Variants in MPRIP observed in about 807,000 individuals in gnomAD.
MPRIP encodes the protein myosin phosphatase Rho-interacting protein.
A neutral mutation model predicts 234.9 loss-of-function variants in MPRIP; 59 were observed. That is an observed-to-expected ratio of 0.25 (90% CI 0.20 to 0.31). The LOEUF (loss-of-function observed/expected upper bound fraction) is 0.31. Ranked by LOEUF, MPRIP falls within the 10% of genes least tolerant of loss-of-function variation. The pLI is 1.00. For synonymous variants in MPRIP, 1,144 were observed against 1,263.9 expected (o/e 0.91, Z 2.01); for missense variants, 2,436 against 3,071.0 (o/e 0.79, Z 4.89).
intron 3 of MPRIP, among the ~76,000 whole-genome samples, chr17:17,095,530 TG>T (rs2089819169): frequency 6.6e-6 from 1 of 152,196 alleles, no homozygotes. Context: ...GGAAGACCTG[TG>T]GGCAGCAGAA....
rs189049669 is a variant in MPRIP at position 17,165,440 on chromosome 17, C to A, written c.3849C>A (p.Pro1283=). The part of the protein sequence containing the change: ...PPGEEYGDGS[P]SREDSMVPPK... ...GGGAAGAGTACGGTGATGGCAGCCC[C>A]AGTAGGGAAGACAGCATGGTGCCCC... is the stretch of plus-strand genomic sequence containing the variant. Residue 1283 remains proline (P), a synonymous_variant, in exon 16 of 24, where the codon CCC becomes CCA. Coordinates refer to ENST00000651222, the MANE Select transcript of MPRIP (RefSeq NM_001364716.4). The A allele has an allele frequency of 2.5e-4, 331 of 1,304,210 alleles. 1 individual carries two copies. The African/African-American group carries it at 4.8e-3, about 19-fold the overall frequency. The allele number at this position is 1,304,210 out of a possible 1,614,324, so 80.8% of individuals were successfully genotyped here. A position where few individuals can be genotyped will look rare whatever the true frequency, so the allele number is the denominator to read the frequency against.
intron 17 of MPRIP, 82 bp from the exon 18 acceptor site, chr17:17,172,616 A>G (rs908057013): frequency 3.4e-5 from 36 of 1,049,360 alleles, no homozygotes; most frequent in Non-Finnish European, 4.9e-5. Flanking sequence ...GCGCCATCCC[A>G]TTGTGTGGAG....
At chr17:17,096,248 G>A (rs1167718451) in intron 3 of MPRIP, among the ~76,000 whole-genome samples, 1 of 143,016 alleles carries the variant, frequency 7.0e-6, no homozygotes, top group African/African-American at 2.7e-5. Context: ...GTCTGGGCCT[G>A]TGTAGCTCTT....
chr17:17,074,289 A>G (rs967861148), intron 1 of MPRIP, among the ~76,000 whole-genome samples: 3 of 152,220 alleles, frequency 2.0e-5, no homozygotes, highest in African/African-American at 7.2e-5. Context: ...TTTCCAATGC[A>G]TTCTCGCCAG....
chr17:17,155,201 T>C (rs1164239422), intron 13 of MPRIP, among the ~76,000 whole-genome samples: 1 of 151,902 alleles, frequency 6.6e-6, no homozygotes, highest in African/African-American at 2.4e-5. Flanking sequence ...GCTGCTTGGG[T>C]GTGGCAATGT....
chr17:17,113,667 T>C (rs4488507), intron 3 of MPRIP, among the ~76,000 whole-genome samples: 10,173 of 152,182 alleles, frequency 0.067, 405 homozygotes, highest in African/African-American at 0.1. Flanking sequence ...TACCTACAAG[T>C]GGAATTGCTG....
intron 11 of MPRIP, among the ~76,000 whole-genome samples, chr17:17,148,427 C>G (rs899454730): frequency 6.6e-6 from 1 of 152,218 alleles, no homozygotes; most frequent in African/African-American, 2.4e-5. Flanking sequence ...GGTAAAGCCA[C>G]TAGCACTTGG....
intron 16 of MPRIP, 134 bp downstream of exon 16, chr17:17,168,049 G>A (rs1238989162): frequency 4.0e-6 from 3 of 743,900 alleles, no homozygotes; most frequent in Non-Finnish European, 5.7e-6. Flanking sequence ...TAGCCATGGT[G>A]TGGTCTCAGC....
chr17:17,054,159 T>A (rs559012157), intron 1 of MPRIP, among the ~76,000 whole-genome samples: 89 of 152,266 alleles, frequency 5.8e-4, no homozygotes, highest in African/African-American at 2.1e-3. Flanking sequence ...ACAAGTAAGA[T>A]CATTATCTAT....
At chr17:17,079,427 G>A (rs1479275912) in intron 3 of MPRIP, among the ~76,000 whole-genome samples, 2 of 152,220 alleles carry the variant, frequency 1.3e-5, no homozygotes, top group African/African-American at 4.8e-5. Flanking sequence ...AAAGCATTTG[G>A]ACACTCCGTT....
At chr17:17,090,496 C>T (rs141926602) in intron 3 of MPRIP, among the ~76,000 whole-genome samples, 1 of 152,166 alleles carries the variant, frequency 6.6e-6, no homozygotes, top group East Asian at 1.9e-4. Flanking sequence ...TTTGTGATGC[C>T]CAGGGCCCAG....
chr17:17,057,687 C>T (rs754882461), intron 1 of MPRIP: 35 of 717,892 alleles, frequency 4.9e-5, no homozygotes, highest in Admixed American at 3.8e-4. Context: ...ATATGATGCA[C>T]GAATGTTCTC....
chr17:17,158,664 G>A lies in MPRIP; in HGVS notation c.2062G>A (p.Glu688Lys), dbSNP rs1388670259. The A allele has an allele frequency of 4.4e-6, 7 of 1,604,766 alleles. No individual in the cohort carries two copies. In the East Asian group the frequency reaches 6.7e-5, roughly 15 times the overall value. The change falls in exon 14 of 24, where the codon GAG becomes AAG. Residue 688 changes from glutamate (E) to lysine (K), a missense_variant. By Grantham distance (56) the Glu-to-Lys change is moderately conservative. Transcript: ENST00000651222. ...CGGCGTGGGGCCTGCTGACACCCAC[G>A]AGCCCCTGCGCCCTGAGGCGGAGCC... ...VGGVGPADTH[E>K]PLRPEAEPGE... is the part of the protein sequence containing the mutation.
At chr17:17,114,798 C>T (rs1290337043) in intron 3 of MPRIP, among the ~76,000 whole-genome samples, 1 of 152,094 alleles carries the variant, frequency 6.6e-6, no homozygotes, top group African/African-American at 2.4e-5. Flanking sequence ...GGCCCTTGGC[C>T]ATTTGGCGGG....
chr17:17,063,079 G>A (rs577300416), intron 1 of MPRIP, among the ~76,000 whole-genome samples: 1 of 152,342 alleles, frequency 6.6e-6, no homozygotes, highest in African/African-American at 2.4e-5. Context: ...AGTGCTGATC[G>A]TCCCTCACTC....
At chr17:17,081,971 C>T (rs1004689542) in intron 3 of MPRIP, among the ~76,000 whole-genome samples, 3 of 152,142 alleles carry the variant, frequency 2.0e-5, no homozygotes, top group Non-Finnish European at 4.4e-5. Context: ...TGGCTGGGCC[C>T]CTGGTTTTTC....
chr17:17,163,978 A>T (rs2045926723), intron 15 of MPRIP, 131 bp from the exon 16 acceptor site: 2 of 509,140 alleles, frequency 3.9e-6, no homozygotes, highest in South Asian at 5.1e-5. Context: ...GGGAAAAAAA[A>T]ATAAAGTTGT....
intron 2 of MPRIP, chr17:17,076,097 G>A (rs12602904): frequency 6.8e-5 from 18 of 263,180 alleles, no homozygotes; most frequent in East Asian, 1.7e-4. Context: ...GCATTATACC[G>A]AGCAGCTCCC....
intron 23 of MPRIP, chr17:17,180,645 A>G: frequency 6.2e-7 from 1 of 1,613,652 alleles, no homozygotes. Flanking sequence ...CCTGAAATGC[A>G]CCCGCTTCCC....
Sources: allele counts gnomAD v4.1 joint callset (sites outside exome capture counted in the v4.1 genomes callset), GRCh38; gene constraint gnomAD v4.1.1; transcripts MANE v1.5; gene names NCBI Gene and HGNC (gene_info 2026-07-23, HGNC 2026-07-21).